The following FUT8 variants were observed in gnomAD, a reference collection of about 807,000 sequenced individuals.
FUT8 encodes alpha-(1,6)-fucosyltransferase.
In FUT8, 29 loss-of-function variants were observed where a neutral mutation model predicts 71.3. The observed-to-expected ratio is 0.41, with a 90% confidence interval of 0.30 to 0.55. FUT8 has a LOEUF of 0.55. Ranked by LOEUF, FUT8 falls within the 20% of genes least tolerant of loss-of-function variation. The pLI is 0.34. For missense variants in FUT8, 544 were observed against 702.1 expected (o/e 0.77, Z 2.55); for synonymous variants, 254 against 239.3 (o/e 1.06, Z -0.57).
At chr14:65,582,085 T>C (rs1887123567) in intron 3 of FUT8, among the ~76,000 whole-genome samples, 1 of 152,180 alleles carries the variant, frequency 6.6e-6, no homozygotes, top group Admixed American at 6.5e-5. Context: ...TACTTGAATA[T>C]ACTCTGCAGC....
intron 1 of FUT8, among the ~76,000 whole-genome samples, chr14:65,436,846 G>T (rs750653737): frequency 2.0e-5 from 3 of 152,034 alleles, no homozygotes; most frequent in Non-Finnish European, 4.4e-5. Flanking sequence ...CAGTGATTAG[G>T]TTCCATGGAA....
At chr14:65,393,082 T>TAA in the FUT8 span, among the ~76,000 whole-genome samples, 1 of 152,114 alleles carries the variant, frequency 6.6e-6, no homozygotes, top group Non-Finnish European at 1.5e-5. Flanking sequence ...ATAAGGTGGG[T>TAA]GCTACTGACA....
chr14:65,484,530 C>T (rs769031514), intron 2 of FUT8, among the ~76,000 whole-genome samples: 2 of 151,642 alleles, frequency 1.3e-5, no homozygotes, highest in Admixed American at 1.3e-4. Context: ...TTTTATTAGC[C>T]AGACATGGTG....
intron 7 of FUT8, among the ~76,000 whole-genome samples, chr14:65,679,471 G>A (rs1353276234): frequency 6.6e-6 from 1 of 152,124 alleles, no homozygotes; most frequent in Non-Finnish European, 1.5e-5. Flanking sequence ...TTTATGGCCT[G>A]TCATAAATGA....
chr14:65,699,186 ACACACACACACACG>A (rs1295013391), intron 7 of FUT8, among the ~76,000 whole-genome samples: 1 of 145,948 alleles, frequency 6.9e-6, no homozygotes, highest in Non-Finnish European at 1.5e-5. Flanking sequence ...ACACACACAC[ACACACACACACACG>A]CCCATGCAGA....
chr14:65,578,531 TC>T (rs1886911637), intron 3 of FUT8, among the ~76,000 whole-genome samples: 1 of 152,204 alleles, frequency 6.6e-6, no homozygotes, highest in Non-Finnish European at 1.5e-5. Context: ...TCGTAAACTT[TC>T]TTAAAACGTT....
chr14:65,667,480 C>T (rs998581332), intron 6 of FUT8, among the ~76,000 whole-genome samples: 5 of 152,040 alleles, frequency 3.3e-5, no homozygotes, highest in African/African-American at 1.2e-4. Context: ...GGTGCAAGAT[C>T]TCTACAAGGG....
chr14:65,619,003 G>A (rs73268505), intron 5 of FUT8, among the ~76,000 whole-genome samples: 2,276 of 152,206 alleles, frequency 0.015, 59 homozygotes, highest in African/African-American at 0.051. Flanking sequence ...TTGTACTTGC[G>A]ATGGCATGTG....
At chr14:65,499,675 C>T (rs577798242) in intron 2 of FUT8, among the ~76,000 whole-genome samples, 9 of 151,640 alleles carry the variant, frequency 5.9e-5, no homozygotes, top group Non-Finnish European at 7.4e-5. Flanking sequence ...TAGGCTGGTG[C>T]GGTGGTGTGT....
At position 65,530,506 on chromosome 14, in the gene FUT8, G is replaced by A. The variant is rs114800077; in HGVS notation, c.-227-30831G>A. Among the ~76,000 whole-genome samples the A allele has an allele frequency of 7.1e-3, 1,078 of 152,256 alleles. 13 individuals carry two copies. The highest frequency in any genetic ancestry group is 0.024 in the African/African-American group (977 of 41,564). On this transcript the variant is annotated intron_variant, in intron 2 of 10. Transcript: ENST00000673929. ...TGAGAAAATCCTTAGCAAGTGATATGTCTCACCCATTTCAAAGTGAGTTCA... is the reference window on the plus strand; with the variant it reads ...TGAGAAAATCCTTAGCAAGTGATATATCTCACCCATTTCAAAGTGAGTTCA...
intron 3 of FUT8, among the ~76,000 whole-genome samples, chr14:65,568,760 G>A (rs1407105385): frequency 6.6e-6 from 1 of 150,640 alleles, no homozygotes; most frequent in Non-Finnish European, 1.5e-5. Flanking sequence ...ATTTAAGTTA[G>A]GTTGGTTAAT....
rs552853120 is a variant in FUT8 at position 65,525,215 on chromosome 14, C to G, written c.-227-36122C>G. Among the ~76,000 whole-genome samples, 33 of 152,166 alleles carry G rather than the reference C, an allele frequency of 2.2e-4. 1 individual carries two copies. In the South Asian group the frequency reaches 5.6e-3, roughly 26 times the overall value. On this transcript the variant is annotated intron_variant, in intron 2 of 10. Coordinates refer to ENST00000673929, the MANE Select transcript of FUT8 (RefSeq NM_001371533.1). ...TCCTGGACTTTTTTTGGTTGGTAGG[C>G]TATTAATCATTGCCTCAATTTCAGA...
intron 7 of FUT8, among the ~76,000 whole-genome samples, chr14:65,688,313 T>C (rs1893401580): frequency 6.6e-6 from 1 of 152,132 alleles, no homozygotes; most frequent in South Asian, 2.1e-4. Context: ...ATTTTGCTTT[T>C]TCCAGATGTC....
chr14:65,414,845 A>G (rs969165893), intron 1 of FUT8, among the ~76,000 whole-genome samples: 14 of 152,220 alleles, frequency 9.2e-5, no homozygotes, highest in African/African-American at 3.4e-4. Context: ...AGTTAACTTG[A>G]AGAGTGTCTT....
chr14:65,551,940 G>A (rs1193966375), intron 2 of FUT8, among the ~76,000 whole-genome samples: 1 of 152,062 alleles, frequency 6.6e-6, no homozygotes, highest in Non-Finnish European at 1.5e-5. Flanking sequence ...TTTCAGCTCT[G>A]CGGTAAAATC....
intron 7 of FUT8, among the ~76,000 whole-genome samples, chr14:65,699,933 G>A (rs1262592057): frequency 1.3e-5 from 2 of 152,104 alleles, no homozygotes; most frequent in East Asian, 3.8e-4. Flanking sequence ...CCAGCAGGTA[G>A]CATCATCAGG....
chr14:65,389,283 C>T, the FUT8 span, among the ~76,000 whole-genome samples: 11 of 151,962 alleles, frequency 7.2e-5, no homozygotes, highest in South Asian at 2.3e-3. Flanking sequence ...ATCGTGGCTT[C>T]CTGCAGCCTA....
chr14:65,465,605 G>A (rs2066031406), intron 2 of FUT8, among the ~76,000 whole-genome samples: 1 of 152,158 alleles, frequency 6.6e-6, no homozygotes, highest in South Asian at 2.1e-4. Context: ...AGATTTTCCA[G>A]CTATGTTTTT....
chr14:65,590,861 C>T (rs1267916270), intron 3 of FUT8, among the ~76,000 whole-genome samples: 3 of 152,050 alleles, frequency 2.0e-5, no homozygotes, highest in African/African-American at 7.2e-5. Context: ...ATAAAATTCT[C>T]CATGGGGAAA....
Sources: allele counts gnomAD v4.1 joint callset (sites outside exome capture counted in the v4.1 genomes callset), GRCh38; gene constraint gnomAD v4.1.1; transcripts MANE v1.5; gene names NCBI Gene and HGNC (gene_info 2026-07-23, HGNC 2026-07-21).